The following HECW2 variants were observed in gnomAD, a reference collection of about 807,000 sequenced individuals.
The protein encoded by HECW2 is HECT, C2 and WW domain containing E3 ubiquitin protein ligase 2, also known as E3 ubiquitin-protein ligase HECW2.
A neutral mutation model predicts 175.2 loss-of-function variants in HECW2; 61 were observed. That is an observed-to-expected ratio of 0.35 (90% CI 0.28 to 0.43). The LOEUF is 0.43. HECW2 is among the 20% of genes least tolerant of loss of function. The probability of loss-of-function intolerance (pLI) is 1.00; values close to 1 mark genes in which losing one functional copy is unlikely to be tolerated. For synonymous variants in HECW2, 671 were observed against 731.0 expected, an observed-to-expected ratio of 0.92 and a Z score of 1.32; for missense variants, 1,524 against 2,000.5, an observed-to-expected ratio of 0.76 and a Z score of 4.54.
chr2:196,504,221 G>T (rs112052821), intron 1 of HECW2, among the ~76,000 whole-genome samples: 1 of 151,112 alleles, frequency 6.6e-6, no homozygotes, highest in Non-Finnish European at 1.5e-5. Flanking sequence ...ACTTGAACCC[G>T]GGAGGCAGAT....
chr2:196,377,929 T>C (rs1694097596), intron 2 of HECW2, among the ~76,000 whole-genome samples: 1 of 152,218 alleles, frequency 6.6e-6, no homozygotes, highest in Admixed American at 6.5e-5. Flanking sequence ...AAGTATATAT[T>C]TTCTTGGCAC....
At chr2:196,502,113 C>T (rs544096273) in intron 1 of HECW2, among the ~76,000 whole-genome samples, 1 of 152,300 alleles carries the variant, frequency 6.6e-6, no homozygotes, top group South Asian at 2.1e-4. Flanking sequence ...CAAAATAGTG[C>T]TGGTATTTAT....
chr2:196,294,007 G>C (rs1411495769), intron 13 of HECW2, among the ~76,000 whole-genome samples: 1 of 152,124 alleles, frequency 6.6e-6, no homozygotes, highest in Non-Finnish European at 1.5e-5. Context: ...AGGTGCCTGG[G>C]CTGTACATCT....
chr2:196,586,473 C>G (rs139483414), intron 1 of HECW2: 18 of 152,364 alleles, frequency 1.2e-4, no homozygotes, highest in African/African-American at 4.1e-4. Context: ...AGCAGTCTTA[C>G]ACTCACTGCC....
chr2:196,572,281 C>T (rs1690415566), intron 1 of HECW2, among the ~76,000 whole-genome samples: 1 of 152,136 alleles, frequency 6.6e-6, no homozygotes. Context: ...CTCTTGGACT[C>T]AAGCGATCTT....
intron 19 of HECW2, among the ~76,000 whole-genome samples, chr2:196,253,409 CTCTT>C (rs1281435011): frequency 6.6e-6 from 1 of 152,222 alleles, no homozygotes; most frequent in Admixed American, 6.5e-5. Flanking sequence ...TCAGGCCTAT[CTCTT>C]TCAAAAAGAG....
intron 2 of HECW2, among the ~76,000 whole-genome samples, chr2:196,411,411 TAAAC>T (rs983734023): frequency 7.9e-5 from 12 of 152,144 alleles, no homozygotes; most frequent in African/African-American, 1.7e-4. Flanking sequence ...TCAGAGGAAT[TAAAC>T]AAACAAACAA....
intron 1 of HECW2, among the ~76,000 whole-genome samples, chr2:196,448,021 T>C (rs1696236777): frequency 1.3e-5 from 2 of 152,202 alleles, no homozygotes; most frequent in African/African-American, 4.8e-5. Context: ...ATTGTGCCAC[T>C]GCACTCCATC....
rs147914710 is a variant in HECW2 at position 196,309,407 on chromosome 2, C to A, written c.2435-1322G>T. 5.7e-3 allele frequency among the ~76,000 whole-genome samples: 874 copies of A among 152,304 alleles called. 7 individuals are homozygous for A. The highest frequency in any genetic ancestry group is 0.02 in the Middle Eastern group (6 of 294). On this transcript the variant is annotated intron_variant, in intron 10 of 28. Coordinates refer to ENST00000644978, the MANE Select transcript of HECW2 (RefSeq NM_001348768.2). ...AGGTAACACAGACTCTACCATGAAA[C>A]ACCCTGCCAAATCTGAATTCTTTGG...
intron 28 of HECW2, 106 bp downstream of exon 28, chr2:196,215,759 G>A (rs557133267): frequency 1.9e-4 from 141 of 753,292 alleles, no homozygotes; most frequent in Middle Eastern, 1.5e-3. Context: ...GAGCTTTTCC[G>A]CTCTCCCAAA....
intron 1 of HECW2, among the ~76,000 whole-genome samples, chr2:196,569,074 A>T (rs1690284012): frequency 6.6e-6 from 1 of 152,234 alleles, no homozygotes. Flanking sequence ...AAGGCGGCTC[A>T]TGCCTGAAAT....
At chr2:196,240,694 T>A in intron 20 of HECW2, 132 bp from the exon 21 acceptor site, 1 of 878,852 alleles carries the variant, frequency 1.1e-6, no homozygotes, top group Non-Finnish European at 1.6e-6. Context: ...ATATCATTGC[T>A]GTCTGCAATA....
chr2:196,217,199 C>G (rs1687506646), intron 26 of HECW2, 106 bp from the exon 27 acceptor site: 2 of 727,576 alleles, frequency 2.7e-6, no homozygotes, highest in Admixed American at 2.7e-5. Context: ...CTCTTGAATT[C>G]TTTACAAGTT....
chr2:196,454,592 G>A (rs183537749), intron 1 of HECW2, among the ~76,000 whole-genome samples: 77 of 152,256 alleles, frequency 5.1e-4, no homozygotes, highest in Non-Finnish European at 1.2e-4. Flanking sequence ...GAGTGTTACC[G>A]AATGCCTTTT....
Position 196,271,199 on chromosome 2 carries a change from G to A in HECW2, c.3329C>T (p.Ser1110Leu). ...ATACCAATATTATTGTTACCTGAGT[G>A]AGTGATTCCTGGTAAGATCAGGTTG... ...ERQPDLTRNHSLREKIQFIRT... is the reference protein window; with the variant it reads ...ERQPDLTRNHLLREKIQFIRT... Residue 1110 changes from serine to leucine, a missense_variant, in exon 17 of 29, where the codon TCA becomes TTA. This residue lies in a region of HECW2 where 291 missense variants were observed against 412.2 expected (regional missense o/e 0.71). Transcript: ENST00000644978. 2 of 1,581,286 alleles carry A rather than the reference G, an allele frequency of 1.3e-6. No individual in the cohort carries two copies. The highest frequency in any genetic ancestry group is 1.7e-6 in the Non-Finnish European group (2 of 1,150,404).
At chr2:196,528,330 G>C (rs1303041535) in intron 1 of HECW2, among the ~76,000 whole-genome samples, 1 of 152,122 alleles carries the variant, frequency 6.6e-6, no homozygotes, top group Admixed American at 6.5e-5. Context: ...AAATTGACTA[G>C]TGGAAAGCAG....
chr2:196,469,120 CGTGTGTGTGTGTGT>C (rs33984882), intron 1 of HECW2, among the ~76,000 whole-genome samples: 6,945 of 144,788 alleles, frequency 0.048, 407 homozygotes, highest in African/African-American at 0.14. Flanking sequence ...TGTGTGTGTG[CGTGTGTGTGTGTGT>C]GTGTGTGTGT....
At chr2:196,532,397 A>G (rs1688869223) in intron 1 of HECW2, among the ~76,000 whole-genome samples, 1 of 152,144 alleles carries the variant, frequency 6.6e-6, no homozygotes, top group South Asian at 2.1e-4. Context: ...CAAACACCAC[A>G]TATTCTCACT....
intron 1 of HECW2, among the ~76,000 whole-genome samples, chr2:196,451,521 G>T (rs1446583801): frequency 6.6e-6 from 1 of 151,960 alleles, no homozygotes; most frequent in Non-Finnish European, 1.5e-5. Context: ...CTAGAAACAG[G>T]CCATTAATTT....
Sources: allele counts gnomAD v4.1 joint callset (sites outside exome capture counted in the v4.1 genomes callset), GRCh38; gene constraint gnomAD v4.1.1; regional missense constraint gnomAD v4.1.1; transcripts MANE v1.5; gene names NCBI Gene and HGNC (gene_info 2026-07-23, HGNC 2026-07-21).